The following NEGR1 variants were observed in gnomAD, a reference collection of about 807,000 sequenced individuals.
NEGR1 encodes the protein IgLON family member 4.
NEGR1 carries 10 observed loss-of-function variants against 40.9 expected under a neutral mutation model. That is an observed-to-expected ratio of 0.24 (90% CI 0.15 to 0.42). NEGR1 has a LOEUF of 0.42. NEGR1 is among the 10% of genes least tolerant of loss of function. The pLI, the probability that NEGR1 is intolerant of heterozygous loss-of-function variation, is 1.00. For missense variants in NEGR1, 352 were observed against 438.9 expected (o/e 0.80, Z 1.77); for synonymous variants, 185 against 166.8 (o/e 1.11, Z -0.84).
intron 3 of NEGR1, among the ~76,000 whole-genome samples, chr1:71,765,180 C>T (rs1313293622): frequency 2.0e-5 from 3 of 152,144 alleles, no homozygotes; most frequent in South Asian, 2.1e-4. Flanking sequence ...GTCAACAGAA[C>T]GGCCCAATCC....
At chr1:71,723,005 A>C (rs1444172563) in intron 3 of NEGR1, among the ~76,000 whole-genome samples, 1 of 149,742 alleles carries the variant, frequency 6.7e-6, no homozygotes, top group Non-Finnish European at 1.5e-5. Flanking sequence ...AATCATAGAA[A>C]ATGTACTTTT....
chr1:71,838,707 A>G (rs962954054), intron 2 of NEGR1, among the ~76,000 whole-genome samples: 1 of 152,140 alleles, frequency 6.6e-6, no homozygotes, highest in Non-Finnish European at 1.5e-5. Flanking sequence ...GTTGTTAATA[A>G]CATTATTTAA....
At chr1:72,248,472 G>A (rs1194279) in intron 1 of NEGR1, among the ~76,000 whole-genome samples, 3,308 of 151,858 alleles carry the variant, frequency 0.022, 55 homozygotes, top group African/African-American at 0.032. Context: ...TGGCCAGGCT[G>A]GTCCCGATCT....
chr1:71,843,647 C>T (rs963463221), intron 2 of NEGR1, among the ~76,000 whole-genome samples: 11 of 151,934 alleles, frequency 7.2e-5, no homozygotes, highest in Admixed American at 1.3e-4. Context: ...GTAAAACATT[C>T]GTAATAGTTT....
intron 1 of NEGR1, among the ~76,000 whole-genome samples, chr1:72,187,612 C>T (rs1296054633): frequency 6.6e-6 from 1 of 151,164 alleles, no homozygotes; most frequent in African/African-American, 2.4e-5. Context: ...CTACTCTAAA[C>T]CTTAAAAATA....
At chr1:71,886,564 T>C (rs1044385563) in intron 2 of NEGR1, among the ~76,000 whole-genome samples, 5 of 152,060 alleles carry the variant, frequency 3.3e-5, no homozygotes, top group Non-Finnish European at 5.9e-5. Flanking sequence ...GAATTATTTA[T>C]TCGGGGCAGA....
chr1:71,718,749 A>C (rs1379916039), intron 3 of NEGR1, among the ~76,000 whole-genome samples: 1 of 152,180 alleles, frequency 6.6e-6, no homozygotes, highest in Non-Finnish European at 1.5e-5. Flanking sequence ...CTCTAGAAAA[A>C]AATTACAACA....
At chr1:72,160,298 C>A (rs1010722388) in intron 1 of NEGR1, among the ~76,000 whole-genome samples, 1 of 152,062 alleles carries the variant, frequency 6.6e-6, no homozygotes. Flanking sequence ...AATATTATAT[C>A]AAAATACTTT....
intron 1 of NEGR1, among the ~76,000 whole-genome samples, chr1:72,056,444 T>C (rs1200144481): frequency 2.0e-5 from 3 of 151,418 alleles, no homozygotes; most frequent in African/African-American, 7.3e-5. Flanking sequence ...AGAATAGCTT[T>C]TTCTTCTAAA....
intron 2 of NEGR1, among the ~76,000 whole-genome samples, chr1:71,778,733 A>G (rs553244042): frequency 6.6e-6 from 1 of 152,346 alleles, no homozygotes; most frequent in South Asian, 2.1e-4. Context: ...AAGAGAAATA[A>G]TGAAATGCCA....
intron 6 of NEGR1, among the ~76,000 whole-genome samples, chr1:71,460,914 T>G (rs184557534): frequency 5.2e-4 from 79 of 152,266 alleles, no homozygotes; most frequent in Non-Finnish European, 1.1e-3. Flanking sequence ...TTGTTTTTCT[T>G]TTAGCTCCAG....
chr1:71,765,837 T>G (rs1656102655), intron 3 of NEGR1, among the ~76,000 whole-genome samples: 1 of 152,196 alleles, frequency 6.6e-6, no homozygotes, highest in Non-Finnish European at 1.5e-5. Flanking sequence ...GATCAATGAC[T>G]GTTTATTAAA....
intron 4 of NEGR1, among the ~76,000 whole-genome samples, chr1:71,640,185 A>T (rs1651303044): frequency 6.6e-6 from 1 of 152,022 alleles, no homozygotes; most frequent in Admixed American, 6.6e-5. Context: ...TTACATGTGA[A>T]ATGCATTCAA....
intron 6 of NEGR1, among the ~76,000 whole-genome samples, chr1:71,427,195 C>T (rs945956092): frequency 1.3e-5 from 2 of 152,164 alleles, no homozygotes; most frequent in Admixed American, 1.3e-4. Flanking sequence ...AAACTTTCTT[C>T]TTTTCAAACA....
At chr1:71,563,956 G>C (rs540023759) in intron 6 of NEGR1, among the ~76,000 whole-genome samples, 13 of 150,588 alleles carry the variant, frequency 8.6e-5, no homozygotes, top group Admixed American at 5.9e-4. Flanking sequence ...ACTGATCGGG[G>C]AGGAAAAAAA....
chr1:71,783,667 C>T (rs927882001), intron 2 of NEGR1, among the ~76,000 whole-genome samples: 6 of 152,214 alleles, frequency 3.9e-5, no homozygotes, highest in African/African-American at 7.2e-5. Flanking sequence ...ATAAGAAAAA[C>T]GTTATCTGTC....
At chr1:71,604,911 TA>T (rs1373460794) in intron 5 of NEGR1, among the ~76,000 whole-genome samples, 30 of 152,208 alleles carry the variant, frequency 2.0e-4, no homozygotes, top group African/African-American at 7.0e-4. Context: ...CAAGATATTA[TA>T]GGCCCCACAC....
At chr1:71,676,142 TTTAA>T (rs769518556) in intron 4 of NEGR1, among the ~76,000 whole-genome samples, 81 of 152,144 alleles carry the variant, frequency 5.3e-4, no homozygotes, top group Non-Finnish European at 1.0e-3. Flanking sequence ...AGGTCTAAAT[TTTAA>T]TTAATCTTAT....
At chr1:72,140,286 TA>T (rs1311667186) in intron 1 of NEGR1, among the ~76,000 whole-genome samples, 2 of 151,918 alleles carry the variant, frequency 1.3e-5, no homozygotes, top group African/African-American at 4.8e-5. Flanking sequence ...TGTGTTAGTT[TA>T]TTTTTGACGG....
Sources: gnomAD v4.1 joint callset for allele counts (sites outside exome capture counted in the v4.1 genomes callset) on GRCh38, gnomAD v4.1.1 for gene constraint, MANE v1.5 for transcripts, NCBI Gene and HGNC (gene_info 2026-07-23, HGNC 2026-07-21) for gene names.